GNE: variants seen among roughly 807,000 people sequenced by gnomAD.
The protein encoded by GNE is glucosamine (UDP-N-acetyl)-2-epimerase/N-acetylmannosamine kinase.
A neutral mutation model predicts 61.8 loss-of-function variants in GNE; 41 were observed. That is an observed-to-expected ratio of 0.66 (90% CI 0.52 to 0.86). The LOEUF is 0.86. Among genes scored for constraint, GNE ranks in the 40% least tolerant of loss-of-function variants. The probability of loss-of-function intolerance (pLI) is 0.00; values close to 1 mark genes in which losing one functional copy is unlikely to be tolerated. For missense variants in GNE, 608 were observed against 909.1 expected, an observed-to-expected ratio of 0.67 and a Z score of 4.26; for synonymous variants, 264 against 326.4, an observed-to-expected ratio of 0.81 and a Z score of 2.06.
Position 36,246,121 on chromosome 9 carries a change from C to T in GNE, c.526G>A (p.Asp176Asn), listed in dbSNP as rs774229314. 10 of 1,614,220 alleles carry T rather than the reference C, an allele frequency of 6.2e-6. No individual in the cohort carries two copies. The Admixed American group carries it at 6.7e-5, about 11-fold the overall frequency. Residue 176 changes from aspartate to asparagine, a missense_variant, in exon 3 of 12, where the codon GAT becomes AAT. By Grantham distance (23) the Asp-to-Asn change is conservative. Coordinates refer to ENST00000642385, the MANE Select transcript of GNE (RefSeq NM_005476.7). ...GGGCAGCCTGCCAAAAGGATGCGATCATGGTCCTCACACATGGATATCAGG... is the reference window on the plus strand; with the variant it reads ...GGGCAGCCTGCCAAAAGGATGCGATTATGGTCCTCACACATGGATATCAGG... Reference protein sequence around the residue: ...QHLISMCEDHDRILLAGCPSY... With the variant: ...QHLISMCEDHNRILLAGCPSY...
intron 1 of GNE, among the ~76,000 whole-genome samples, chr9:36,256,967 G>A (rs1462824118): frequency 6.6e-6 from 1 of 152,162 alleles, no homozygotes; most frequent in Non-Finnish European, 1.5e-5. Flanking sequence ...AGCACTTTGG[G>A]AAGCCGAGAT....
intron 1 of GNE, among the ~76,000 whole-genome samples, chr9:36,270,254 C>T (rs943618404): frequency 2.6e-5 from 4 of 152,172 alleles, no homozygotes; most frequent in African/African-American, 9.7e-5. Context: ...TAAGCCACTG[C>T]ACCTGGCCTT....
At chr9:36,270,387 A>T (rs1287228906) in intron 1 of GNE, among the ~76,000 whole-genome samples, 1 of 152,146 alleles carries the variant, frequency 6.6e-6, no homozygotes, top group East Asian at 1.9e-4. Flanking sequence ...TATTATACAA[A>T]CTATTATATC....
chr9:36,227,853 C>T (rs202228731), intron 6 of GNE, among the ~76,000 whole-genome samples: 12 of 151,962 alleles, frequency 7.9e-5, no homozygotes, highest in Middle Eastern at 3.4e-3. Context: ...CTGGCCAACA[C>T]GGTGAAACCC....
At chr9:36,259,751 C>A (rs1326624084), upstream of GNE, among the ~76,000 whole-genome samples, 1 of 152,228 alleles carries the variant, frequency 6.6e-6, no homozygotes, top group Non-Finnish European at 1.5e-5. Context: ...ACCTCCACCT[C>A]CCAGGTTCAA....
At chr9:36,229,962 T>C (rs1829066248) in intron 5 of GNE, among the ~76,000 whole-genome samples, 1 of 152,194 alleles carries the variant, frequency 6.6e-6, no homozygotes, top group Non-Finnish European at 1.5e-5. Context: ...CTTTTTTTTT[T>C]TTGAGACAAA....
chr9:36,239,905 T>A (rs1563942372), intron 3 of GNE, among the ~76,000 whole-genome samples: 1 of 151,996 alleles, frequency 6.6e-6, no homozygotes, highest in Non-Finnish European at 1.5e-5. Flanking sequence ...TTTTATTTTA[T>A]TTTAATTTAA....
At chr9:36,261,557 A>AC (rs1470021120), upstream of GNE, among the ~76,000 whole-genome samples, 2 of 150,088 alleles carry the variant, frequency 1.3e-5, no homozygotes, top group Admixed American at 1.3e-4. Context: ...CGTCTCAAAA[A>AC]AAAAAAAAAA....
At position 36,265,478 on chromosome 9, in the gene GNE, A is replaced by G. The variant is rs189247743; in HGVS notation, c.51+11416T>C. The G allele has an allele frequency of 2.9e-4, 131 of 456,656 alleles. 2 individuals are homozygous for G. The East Asian group carries it at 8.4e-3, about 29-fold the overall frequency. 28.3% of individuals were successfully genotyped at this position (456,656 alleles called of 1,614,324 possible). On this transcript the variant is annotated intron_variant, in intron 1 of 11. Coordinates refer to the GNE transcript ENST00000396594. ...TATGTGCCATCTCTGCCCTAAGCCA[A>G]TATCATGAAGAAATCAACAAGAGGT... is the stretch of plus-strand genomic sequence containing the variant.
chr9:36,229,791 C>G (rs1587302028), intron 5 of GNE, among the ~76,000 whole-genome samples: 2 of 152,192 alleles, frequency 1.3e-5, no homozygotes, highest in East Asian at 3.9e-4. Flanking sequence ...GGGCAGTAGA[C>G]AGGCAGGAGA....
At chr9:36,257,676 G>A (rs898301814) in intron 1 of GNE, among the ~76,000 whole-genome samples, 3 of 151,098 alleles carry the variant, frequency 2.0e-5, no homozygotes, top group East Asian at 2.0e-4. Flanking sequence ...GGTGGTGGGC[G>A]CCTGTAGTCC....
In GNE at chr9:36,251,288, C is replaced by T. The variant is rs7873738; in HGVS notation, c.-42-1891G>A. 9.6e-3 allele frequency among the ~76,000 whole-genome samples: 1,457 copies of T among 152,318 alleles called. 24 individuals are homozygous for T. The highest frequency in any genetic ancestry group is 0.033 in the African/African-American group (1,390 of 41,572). ...CTCGCTCTGAGCGTTATGGCCCTCC[C>T]ATTCACAGATATACTGTTGCTCAGC... On this transcript the variant is annotated intron_variant, in intron 1 of 11. Transcript: ENST00000642385.
chr9:36,218,153 C>G lies in GNE; in HGVS notation c.1933+30G>C, dbSNP rs41303221. On this transcript the variant is annotated intron_variant, in intron 11 of 11. Transcript: ENST00000642385. This position sits in a 1 kb window ranked among gnomAD's most constrained non-coding sequence, Gnocchi z 4.1. ...ATATGATATCTGAGGCCACCCCCTG[C>G]AGCACAGCCACCTGCAGCCACATGC... 4,187 of 1,468,072 alleles carry G rather than the reference C, an allele frequency of 2.9e-3. 61 individuals are homozygous for G. The Admixed American group carries it at 0.034, about 12-fold the overall frequency. 90.9% of individuals were successfully genotyped at this position (1,468,072 alleles called of 1,614,324 possible).
chr9:36,275,534 A>G (rs746577705), intron 1 of GNE, among the ~76,000 whole-genome samples: 2 of 152,178 alleles, frequency 1.3e-5, no homozygotes, highest in African/African-American at 2.4e-5. Flanking sequence ...GGCCATAGAA[A>G]CCACCAAACA....
chr9:36,270,677 C>G (rs1319125439), intron 1 of GNE, among the ~76,000 whole-genome samples: 2 of 152,142 alleles, frequency 1.3e-5, no homozygotes, highest in East Asian at 3.9e-4. Flanking sequence ...GCCACCGCGC[C>G]CGGCTAATGT....
intron 1 of GNE, among the ~76,000 whole-genome samples, chr9:36,275,938 C>G (rs1298186225): frequency 6.6e-6 from 1 of 152,082 alleles, no homozygotes; most frequent in East Asian, 1.9e-4. Flanking sequence ...TTTGAAAGGC[C>G]AAGCCAGGAA....
At chr9:36,245,454 G>A (rs1829831314) in intron 3 of GNE, among the ~76,000 whole-genome samples, 1 of 151,920 alleles carries the variant, frequency 6.6e-6, no homozygotes, top group South Asian at 2.1e-4. Context: ...GGAGCCCAAG[G>A]TGGGCGGATC....
At position 36,218,823 on chromosome 9, in the gene GNE, A is replaced by G. The variant is rs1828453680; in HGVS notation, c.1817-524T>C. Among the ~76,000 whole-genome samples, 1 of 152,218 alleles carries G rather than the reference A, an allele frequency of 6.6e-6. No homozygotes were observed. Among genetic ancestry groups the G allele is most frequent in the Admixed American group, 6.5e-5 (1 of 15,282 alleles). ...ACATTCCTCCTTCCTAGAAGATGAGACCAGTAGTGCCTCCCCTGGCAGGGT... is the reference window on the plus strand; with the variant it reads ...ACATTCCTCCTTCCTAGAAGATGAGGCCAGTAGTGCCTCCCCTGGCAGGGT... On this transcript the variant is annotated intron_variant, in intron 10 of 11. Coordinates refer to ENST00000642385, the MANE Select transcript of GNE (RefSeq NM_005476.7). The surrounding 1 kb of genome is among the most constrained non-coding windows in gnomAD (Gnocchi z 4.1).
upstream of GNE, among the ~76,000 whole-genome samples, chr9:36,260,794 G>A: frequency 6.7e-6 from 1 of 148,846 alleles, no homozygotes; most frequent in African/African-American, 2.5e-5. Context: ...GCGTGAACCT[G>A]GGAGGCGGAG....
Sources: allele counts gnomAD v4.1 joint callset (sites outside exome capture counted in the v4.1 genomes callset), GRCh38; gene constraint gnomAD v4.1.1; non-coding constraint Gnocchi (gnomAD v3.1); transcripts MANE v1.5; gene names NCBI Gene and HGNC (gene_info 2026-07-23, HGNC 2026-07-21).